Variants in INSR observed in about 807,000 individuals in gnomAD.
The protein encoded by INSR is insulin receptor.
Under a neutral mutation model 142.6 loss-of-function variants are expected in INSR, and 67 were observed. The observed-to-expected ratio is 0.47, with a 90% confidence interval of 0.39 to 0.58. INSR has a LOEUF of 0.58. Among genes scored for constraint, INSR ranks in the 20% least tolerant of loss-of-function variants. INSR has a pLI of 0.00. For missense variants in INSR, 1,248 were observed against 1,833.2 expected, an observed-to-expected ratio of 0.68 and a Z score of 5.83; for synonymous variants, 756 against 743.1, an observed-to-expected ratio of 1.02 and a Z score of -0.28.
intron 2 of INSR, among the ~76,000 whole-genome samples, chr19:7,208,126 C>T (rs1975167155): frequency 6.6e-6 from 1 of 152,048 alleles, no homozygotes; most frequent in African/African-American, 2.4e-5. Context: ...AAGTCAAAGA[C>T]AACAACACCC....
At chr19:7,249,737 A>G (rs986787327) in intron 2 of INSR, among the ~76,000 whole-genome samples, 1 of 152,194 alleles carries the variant, frequency 6.6e-6, no homozygotes, top group African/African-American at 2.4e-5. Context: ...TCACGCCTGT[A>G]ATCCCAGCAC....
At chr19:7,291,500 C>T (rs1968494494) in intron 1 of INSR, among the ~76,000 whole-genome samples, 1 of 152,206 alleles carries the variant, frequency 6.6e-6, no homozygotes, top group Non-Finnish European at 1.5e-5. Context: ...GAGCCCAGTA[C>T]ACCCAGGAAC....
chr19:7,119,629 CACACACACACGCGCGCGCGCAA>C lies in INSR; in HGVS notation c.3660-68_3660-47del, dbSNP rs760701752. The C allele has an allele frequency of 1.1e-5, 17 of 1,607,116 alleles. No individual in the cohort carries two copies. The highest frequency in any genetic ancestry group is 4.4e-5 in the South Asian group (4 of 90,850). On this transcript the variant is annotated intron_variant, in intron 20 of 21. Coordinates refer to ENST00000302850, the MANE Select transcript of INSR (RefSeq NM_000208.4). This position sits in a 1 kb window ranked among gnomAD's most constrained non-coding sequence, Gnocchi z 5.2. ...TAGTAACAAAGAAGCCATTTAGACACACACACACACGCGCGCGCGCAAACACACACACGCAAACGCACACACA... is the reference window on the plus strand; with the variant it reads ...TAGTAACAAAGAAGCCATTTAGACACACACACACACGCAAACGCACACACA...
intron 5 of INSR, 104 bp from the exon 6 acceptor site, chr19:7,170,855 T>A: frequency 1.1e-6 from 1 of 879,936 alleles, no homozygotes; most frequent in Non-Finnish European, 1.9e-6. Flanking sequence ...GCTACGTGCC[T>A]AATCCTCTCC....
At chr19:7,251,565 ATT>A (rs78569445) in intron 2 of INSR, among the ~76,000 whole-genome samples, 1 of 148,988 alleles carries the variant, frequency 6.7e-6, no homozygotes, top group Non-Finnish European at 1.5e-5. Context: ...CCGGCCATCA[ATT>A]TTTTTTTTTA....
At chr19:7,147,687 A>C (rs1973217936) in intron 11 of INSR, among the ~76,000 whole-genome samples, 1 of 152,190 alleles carries the variant, frequency 6.6e-6, no homozygotes, top group Non-Finnish European at 1.5e-5. Context: ...TCCACCACTT[A>C]TCAAGCCAAA....
Position 7,152,813 on chromosome 19 carries a change from G to A in INSR, c.2144C>T (p.Thr715Ile). 1 of 1,613,526 alleles carries A rather than the reference G, an allele frequency of 6.2e-7. No homozygotes were observed. The highest frequency in any genetic ancestry group is 8.5e-7 in the Non-Finnish European group (1 of 1,179,930). ...SAGECCSCPK[T>I]DSQILKELEE... is the part of the protein sequence containing the mutation. ...CAGCTCCTTCAGGATCTGAGAGTCT[G>A]TCTTTGGACAGGAGCAGCATTCGCC... Residue 715 changes from threonine to isoleucine, a missense_variant, in exon 10 of 22, where the codon ACA (threonine) becomes ATA (isoleucine). Thr to Ile is a moderately conservative substitution (Grantham distance 89). This residue lies in a region of INSR where 1,069 missense variants were observed against 1,654.0 expected (regional missense o/e 0.65). Coordinates refer to ENST00000302850, the MANE Select transcript of INSR (RefSeq NM_000208.4).
intron 2 of INSR, among the ~76,000 whole-genome samples, chr19:7,251,224 A>T (rs577333359): frequency 6.6e-6 from 1 of 151,890 alleles, no homozygotes; most frequent in Non-Finnish European, 1.5e-5. Flanking sequence ...GTTCAAAACC[A>T]CTGCTAGAGA....
chr19:7,200,859 C>CAAAA (rs59770137), intron 2 of INSR, among the ~76,000 whole-genome samples: 2,231 of 76,136 alleles, frequency 0.029, 65 homozygotes, highest in African/African-American at 0.057. Context: ...GACCTTATCT[C>CAAAA]AAAAAAAAAA....
chr19:7,215,657 TC>T (rs1975411178), intron 2 of INSR, among the ~76,000 whole-genome samples: 2 of 151,794 alleles, frequency 1.3e-5, no homozygotes, highest in Non-Finnish European at 2.9e-5. Flanking sequence ...AACCTTCGCC[TC>T]CCGGGTTCAA....
At chr19:7,210,340 CA>C (rs11342133) in intron 2 of INSR, among the ~76,000 whole-genome samples, 19,017 of 109,478 alleles carry the variant, frequency 0.17, 1,368 homozygotes, top group South Asian at 0.3. Flanking sequence ...GACTCTGTCT[CA>C]AAAAAAAAAA....
rs1187835365 is a variant in INSR, at chr19:7,174,719, G to T, written c.987C>A (p.Thr329=). 6.2e-7 allele frequency: 1 copy of T among 1,613,896 alleles called. No individual in the cohort carries two copies. The highest frequency in any genetic ancestry group is 2.2e-5 in the East Asian group (1 of 44,864). Reference sequence around the variant, plus strand: ...CCTTGGGACAGGGACCCAGGCATGGGGTGCACAGCAAGCTAAGGACGGAGC... The same window carrying T: ...CCTTGGGACAGGGACCCAGGCATGGTGTGCACAGCAAGCTAAGGACGGAGC... The part of the protein sequence containing the change: ...YTMNSSNLLC[T]PCLGPCPKVC... The change falls in exon 4 of 22, where the codon ACC becomes ACA. Residue 329 remains threonine, a synonymous_variant. Coordinates refer to ENST00000302850, the MANE Select transcript of INSR (RefSeq NM_000208.4).
Position 7,219,488 on chromosome 19 carries a change from GGAA to G in INSR, c.653-34854_653-34852del, listed in dbSNP as rs1305115524. Reference sequence around the variant, plus strand: ...AGAGAGAGAAAAGGGAGGGAGGGAAGGAAGGAAGGAGGGAGGGAGGGAACGAAG... The same window carrying G: ...AGAGAGAGAAAAGGGAGGGAGGGAAGGGAAGGAGGGAGGGAGGGAACGAAG... On this transcript the variant is annotated intron_variant, in intron 2 of 21. Coordinates refer to ENST00000302850, the MANE Select transcript of INSR (RefSeq NM_000208.4). Among the ~76,000 whole-genome samples, 33 of 136,824 alleles carry G rather than the reference GGAA, an allele frequency of 2.4e-4. No individual in the cohort carries two copies. In the East Asian group the frequency reaches 7.2e-3, roughly 30 times the overall value. 89.8% of individuals were successfully genotyped at this position (136,824 alleles called of 152,430 possible). A position where few individuals can be genotyped will look rare whatever the true frequency, so the allele number is the denominator to read the frequency against.
chr19:7,199,650 T>G (rs1009516788), intron 2 of INSR, among the ~76,000 whole-genome samples: 3 of 144,086 alleles, frequency 2.1e-5, no homozygotes, highest in Non-Finnish European at 4.5e-5. Flanking sequence ...CCTCCCACTT[T>G]GGCTCCCCAA....
At chr19:7,205,152 C>T (rs1170955741) in intron 2 of INSR, among the ~76,000 whole-genome samples, 6 of 152,210 alleles carry the variant, frequency 3.9e-5, no homozygotes, top group Non-Finnish European at 8.8e-5. Context: ...CTTCTATCAA[C>T]AGATCTGAGC....
chr19:7,160,335 C>T (rs111407832), intron 9 of INSR, among the ~76,000 whole-genome samples: 2,824 of 151,416 alleles, frequency 0.019, 83 homozygotes, highest in African/African-American at 0.065. Context: ...TGAGTAGAGA[C>T]GGGGTTTTGC....
At chr19:7,279,812 CA>C (rs529299496) in intron 1 of INSR, among the ~76,000 whole-genome samples, 141 of 138,112 alleles carry the variant, frequency 1.0e-3, no homozygotes, top group South Asian at 9.2e-4. Context: ...CCATCTCTAC[CA>C]AAAAAAAAAA....
chr19:7,165,235 G>A (rs1362946583), intron 8 of INSR, among the ~76,000 whole-genome samples: 2 of 152,124 alleles, frequency 1.3e-5, no homozygotes, highest in African/African-American at 4.8e-5. Flanking sequence ...AGGTTGCAGT[G>A]AGTCCAGATG....
chr19:7,174,957 C>T (rs1974104233), intron 3 of INSR, among the ~76,000 whole-genome samples: 1 of 152,078 alleles, frequency 6.6e-6, no homozygotes, highest in African/African-American at 2.4e-5. Flanking sequence ...ATTCTCCTGC[C>T]TCAGCCTCCA....
Sources: allele counts gnomAD v4.1 joint callset (sites outside exome capture counted in the v4.1 genomes callset), GRCh38; gene constraint gnomAD v4.1.1; regional missense constraint gnomAD v4.1.1; non-coding constraint Gnocchi (gnomAD v3.1); transcripts MANE v1.5; gene names NCBI Gene and HGNC (gene_info 2026-07-23, HGNC 2026-07-21).